COP1: variants seen among roughly 807,000 people sequenced by gnomAD.
The protein encoded by COP1 is COP1 E3 ubiquitin ligase.
COP1 carries 24 observed loss-of-function variants against 101.3 expected under a neutral mutation model. The ratio of observed to expected loss-of-function variants is 0.24; its 90% confidence interval spans 0.17 to 0.33. The LOEUF (loss-of-function observed/expected upper bound fraction) is 0.33. Among genes scored for constraint, COP1 ranks in the 10% least tolerant of loss-of-function variants. The probability of loss-of-function intolerance (pLI) is 1.00; values close to 1 mark genes in which losing one functional copy is unlikely to be tolerated. For missense variants in COP1, 663 were observed against 906.2 expected (o/e 0.73, Z 3.45); for synonymous variants, 347 against 341.9 (o/e 1.01, Z -0.17).
Position 176,119,618 on chromosome 1 carries a change from T to C in COP1, c.969-2937A>G, listed in dbSNP as rs183950317. Among the ~76,000 whole-genome samples the C allele has an allele frequency of 2.7e-5, 4 of 149,840 alleles. No individual in the cohort carries two copies. The Admixed American group carries it at 2.7e-4, about 10-fold the overall frequency. ...GAATAATAAAACCCATTAATTCTGC[T>C]TAATATATACATTATACATTCATAC... On this transcript the variant is annotated intron_variant, in intron 8 of 19. Coordinates refer to ENST00000367669, the MANE Select transcript of COP1 (RefSeq NM_022457.7).
At chr1:176,204,750 C>T (rs1700648183) in intron 1 of COP1, among the ~76,000 whole-genome samples, 2 of 152,036 alleles carry the variant, frequency 1.3e-5, no homozygotes, top group African/African-American at 4.8e-5. Flanking sequence ...ATGGTGAAAC[C>T]CCGTCTCCAT....
At chr1:176,051,748 G>A (rs866697590) in intron 11 of COP1, among the ~76,000 whole-genome samples, 126 of 152,146 alleles carry the variant, frequency 8.3e-4, no homozygotes, top group African/African-American at 3.0e-3. Context: ...GACCGTGACC[G>A]TATGTAGGCC....
At chr1:176,127,587 G>GTGTA (rs1355179045) in intron 8 of COP1, among the ~76,000 whole-genome samples, 3 of 114,280 alleles carry the variant, frequency 2.6e-5, no homozygotes. Flanking sequence ...GTGTGTGTGT[G>GTGTA]TGTATGTGTA....
chr1:175,953,764 TAA>T lies in COP1; in HGVS notation c.2134-6527_2134-6526del, dbSNP rs58137281. ...TCATAATTAAATAAGGGTCAACTTA[TAA>T]AAAAAAAAAAAAACTCCTATATACA... On this transcript the variant is annotated intron_variant, in intron 18 of 19. Transcript: ENST00000367669. 8.7e-3 allele frequency among the ~76,000 whole-genome samples: 1,088 copies of T among 125,136 alleles called. 8 individuals are homozygous for T. The highest frequency in any genetic ancestry group is 0.029 in the African/African-American group (938 of 32,646). The allele number at this position is 125,136 out of a possible 152,430, so 82.1% of individuals were successfully genotyped here. A position where few individuals can be genotyped will look rare whatever the true frequency, so the allele number is the denominator to read the frequency against.
At chr1:176,144,285 A>C (rs2149795062) in intron 6 of COP1, among the ~76,000 whole-genome samples, 1 of 152,132 alleles carries the variant, frequency 6.6e-6, no homozygotes, top group South Asian at 2.1e-4. Flanking sequence ...TCCATGTAAA[A>C]CCCACCTGTA....
chr1:176,170,402 C>A (rs1307181514), intron 3 of COP1, among the ~76,000 whole-genome samples: 1 of 152,178 alleles, frequency 6.6e-6, no homozygotes, highest in Non-Finnish European at 1.5e-5. Context: ...CAAAATTACT[C>A]CTTGATTTAT....
chr1:176,176,235 T>C (rs1404413368), intron 2 of COP1, among the ~76,000 whole-genome samples: 2 of 152,162 alleles, frequency 1.3e-5, no homozygotes, highest in Non-Finnish European at 2.9e-5. Flanking sequence ...AAGGACACTG[T>C]ATACAAATTT....
chr1:175,993,889 G>C (rs1017649352), intron 15 of COP1, among the ~76,000 whole-genome samples: 8 of 152,264 alleles, frequency 5.3e-5, no homozygotes, highest in African/African-American at 1.7e-4. Flanking sequence ...AGGAAATATA[G>C]AGAACGCCAC....
chr1:176,060,263 CTT>C (rs1453495624), intron 11 of COP1, among the ~76,000 whole-genome samples: 1 of 152,084 alleles, frequency 6.6e-6, no homozygotes, highest in Admixed American at 6.5e-5. Context: ...TTCTGAAAAA[CTT>C]TTGTGAATAT....
At chr1:176,049,163 A>T (rs995918931) in intron 11 of COP1, among the ~76,000 whole-genome samples, 1 of 131,334 alleles carries the variant, frequency 7.6e-6, no homozygotes, top group Non-Finnish European at 1.6e-5. Context: ...TGGGCAACAG[A>T]GCGAGACTCC....
chr1:176,130,492 T>C (rs992819524), intron 8 of COP1, among the ~76,000 whole-genome samples: 2 of 151,842 alleles, frequency 1.3e-5, no homozygotes, highest in African/African-American at 2.4e-5. Context: ...ATAGCAGTCA[T>C]TGGTTTGATT....
chr1:176,123,374 A>C (rs939794204), intron 8 of COP1, among the ~76,000 whole-genome samples: 1 of 152,192 alleles, frequency 6.6e-6, no homozygotes, highest in African/African-American at 2.4e-5. Flanking sequence ...CCTTATACCT[A>C]AGCAAGTTTT....
chr1:176,108,918 CCTGTCCAA>C (rs1200501891), intron 9 of COP1, among the ~76,000 whole-genome samples: 1 of 151,986 alleles, frequency 6.6e-6, no homozygotes, highest in Non-Finnish European at 1.5e-5. Context: ...TCGAAACCAT[CCTGTCCAA>C]CATGGTGAAA....
intron 11 of COP1, among the ~76,000 whole-genome samples, chr1:176,077,661 T>G (rs975343271): frequency 6.6e-6 from 1 of 152,006 alleles, no homozygotes; most frequent in African/African-American, 2.4e-5. Context: ...GAGCAATCTG[T>G]CAATAGTAAG....
At chr1:176,164,323 T>A (rs562220855) in intron 3 of COP1, among the ~76,000 whole-genome samples, 12 of 152,232 alleles carry the variant, frequency 7.9e-5, no homozygotes, top group Non-Finnish European at 1.6e-4. Context: ...AAGACACTTT[T>A]AGCTAACTAT....
chr1:176,027,180 A>C (rs1667810704), intron 15 of COP1, among the ~76,000 whole-genome samples: 1 of 152,204 alleles, frequency 6.6e-6, no homozygotes, highest in South Asian at 2.1e-4. Context: ...GTAGGGACTC[A>C]ATAAATAATT....
chr1:175,963,731 C>T (rs1384962344), intron 18 of COP1, among the ~76,000 whole-genome samples: 1 of 152,112 alleles, frequency 6.6e-6, no homozygotes, highest in Admixed American at 6.5e-5. Context: ...AGCTCAAAAG[C>T]CCCTATCTTC....
chr1:176,182,886 T>TA (rs1411591509), intron 2 of COP1, among the ~76,000 whole-genome samples: 1 of 152,128 alleles, frequency 6.6e-6, no homozygotes, highest in Non-Finnish European at 1.5e-5. Context: ...TAAAATGACT[T>TA]AAAAAAATAG....
chr1:175,955,769 C>CACACACACACACACAA lies in COP1; in HGVS notation c.2134-8531_2134-8530insTTGTGTGTGTGTGTGT, dbSNP rs1553275355. ...GCATGAATCATTTAGAGACAAACCA[C>CACACACACACACACAA]ACACACACACACACACACACACACA... On this transcript the variant is annotated intron_variant, in intron 18 of 19. Coordinates refer to ENST00000367669, the MANE Select transcript of COP1 (RefSeq NM_022457.7). Among the ~76,000 whole-genome samples, 249 of 148,404 alleles carry CACACACACACACACAA rather than the reference C, an allele frequency of 1.7e-3. 2 individuals are homozygous for CACACACACACACACAA. Among genetic ancestry groups the CACACACACACACACAA allele is most frequent in the Non-Finnish European group, 2.0e-3 (131 of 66,266 alleles).
Sources: allele counts gnomAD v4.1 joint callset (sites outside exome capture counted in the v4.1 genomes callset), GRCh38; gene constraint gnomAD v4.1.1; transcripts MANE v1.5; gene names NCBI Gene and HGNC (gene_info 2026-07-23, HGNC 2026-07-21).